The following GREB1 variants were observed in gnomAD, a reference collection of about 807,000 sequenced individuals.
GREB1 encodes growth regulating estrogen receptor binding 1.
Under a neutral mutation model 200.7 loss-of-function variants are expected in GREB1, and 106 were observed. That is an observed-to-expected ratio of 0.53 (90% CI 0.45 to 0.62). The LOEUF (loss-of-function observed/expected upper bound fraction) is 0.62. GREB1 is among the 20% of genes least tolerant of loss of function. The probability of loss-of-function intolerance (pLI) is 0.00; values close to 1 mark genes in which losing one functional copy is unlikely to be tolerated. For synonymous variants in GREB1, 1,132 were observed against 1,092.4 expected (o/e 1.04, Z -0.72); for missense variants, 2,243 against 2,556.8 (o/e 0.88, Z 2.65).
intron 27 of GREB1, 72 bp from the exon 28 acceptor site, chr2:11,632,817 T>A: frequency 7.2e-7 from 1 of 1,381,266 alleles, no homozygotes; most frequent in Non-Finnish European, 1.0e-6. Flanking sequence ...CGACAGCAGG[T>A]CTGCCTGGGG....
chr2:11,536,110 G>C (rs1212494142), intron 1 of GREB1, among the ~76,000 whole-genome samples: 1 of 152,200 alleles, frequency 6.6e-6, no homozygotes, highest in Non-Finnish European at 1.5e-5. Context: ...CGCAAGCCTG[G>C]AGCATACACA....
intron 17 of GREB1, among the ~76,000 whole-genome samples, chr2:11,605,754 C>G (rs1484345624): frequency 6.6e-6 from 1 of 152,108 alleles, no homozygotes; most frequent in Non-Finnish European, 1.5e-5. Context: ...TGAAATTCAT[C>G]CATGTTGTTT....
chr2:11,578,440 G>C lies in GREB1; in HGVS notation c.772+9G>C. On this transcript the variant is annotated intron_variant, in intron 6 of 32. Coordinates refer to ENST00000381486, the MANE Select transcript of GREB1 (RefSeq NM_014668.4). The stretch of plus-strand genomic sequence containing the variant: ...GGGAGCTCAGCAGGCAGGTGAGGTG[G>C]TGGAGACACACCAGAGCTGCTAAAC... 6.2e-7 allele frequency: 1 copy of C among 1,613,406 alleles called. No individual in the cohort carries two copies. The highest frequency in any genetic ancestry group is 1.7e-5 in the Admixed American group (1 of 60,020).
At position 11,576,514 on chromosome 2, in the gene GREB1, T is replaced by C. The variant is rs747264805; in HGVS notation, c.616T>C (p.Leu206=). The C allele has an allele frequency of 2.5e-6, 4 of 1,613,344 alleles. No individual in the cohort carries two copies. The South Asian group carries it at 4.4e-5, about 18-fold the overall frequency. Residue 206 remains leucine, a synonymous_variant, in exon 5 of 33, where the codon TTA becomes CTA. Transcript: ENST00000381486. ...ACAAGGGACTCTAACCAAAGGACCTTTAATCTGTTGGAAAGGCTCAGGTGA... is the reference window on the plus strand; with the variant it reads ...ACAAGGGACTCTAACCAAAGGACCTCTAATCTGTTGGAAAGGCTCAGGTGA... ...NAQGTLTKGP[L]ICWKGSEFRS...
At chr2:11,542,275 T>A (rs937397085) in intron 1 of GREB1, among the ~76,000 whole-genome samples, 1 of 152,214 alleles carries the variant, frequency 6.6e-6, no homozygotes, top group Non-Finnish European at 1.5e-5. Flanking sequence ...CCAGAAGCTG[T>A]CCATGTGTGG....
rs1558668013 is a variant in GREB1, at chr2:11,633,078, G to GAGC, written c.4991+17_4991+19dup. The stretch of plus-strand genomic sequence containing the variant: ...GAGAGAAGCAGGTGAGGTAACCTGA[G>GAGC]AGCACCACCTCCTGCCACCCTACGA... On this transcript the variant is annotated intron_variant, in intron 28 of 32. Coordinates refer to ENST00000381486, the MANE Select transcript of GREB1 (RefSeq NM_014668.4). This position sits in a 1 kb window ranked among gnomAD's most constrained non-coding sequence, Gnocchi z 4.1. The GAGC allele has an allele frequency of 6.2e-7, 1 of 1,612,566 alleles. No individual in the cohort carries two copies. Among genetic ancestry groups the GAGC allele is most frequent in the South Asian group, 1.1e-5 (1 of 90,998 alleles).
chr2:11,516,559 T>C (rs1238027839), intron 1 of GREB1, among the ~76,000 whole-genome samples: 1 of 152,176 alleles, frequency 6.6e-6, no homozygotes, highest in Non-Finnish European at 1.5e-5. Flanking sequence ...GACTCTTCTC[T>C]TCCCCACCCC....
In GREB1 at chr2:11,629,951, T is replaced by C. The variant is rs1189899986; in HGVS notation, c.4453T>C (p.Tyr1485His). The change falls in exon 26 of 33, where the codon TAT becomes CAT. Residue 1485 changes from tyrosine to histidine, a missense_variant. This residue lies in a region of GREB1 where 587 missense variants were observed against 553.1 expected (regional missense o/e 1.06). Coordinates refer to ENST00000381486, the MANE Select transcript of GREB1 (RefSeq NM_014668.4). This position sits in a 1 kb window ranked among gnomAD's most constrained non-coding sequence, Gnocchi z 5.2. Reference sequence around the variant, plus strand: ...TGTCCTTTCCCCCACACCCCAGCTGTATGAGTCCACCCTGCACGCCTTTGC... The same window carrying C: ...TGTCCTTTCCCCCACACCCCAGCTGCATGAGTCCACCCTGCACGCCTTTGC... The part of the protein sequence containing the change: ...YMGFHPRYQL[Y>H]ESTLHAFAFS... 1 of 1,613,944 alleles carries C rather than the reference T, an allele frequency of 6.2e-7. No homozygotes were observed. Among genetic ancestry groups the C allele is most frequent in the African/African-American group, 1.3e-5 (1 of 75,016 alleles).
At chr2:11,544,477 A>G (rs1175130360) in intron 1 of GREB1, among the ~76,000 whole-genome samples, 1 of 152,032 alleles carries the variant, frequency 6.6e-6, no homozygotes. Context: ...CGGCCTCCCA[A>G]AGTGCTGGGA....
chr2:11,485,646 C>A (rs1672640327), intron 1 of GREB1, among the ~76,000 whole-genome samples: 1 of 152,122 alleles, frequency 6.6e-6, no homozygotes, highest in Non-Finnish European at 1.5e-5. Context: ...CTCAAACAGC[C>A]TTTCTGAAAG....
upstream of GREB1, among the ~76,000 whole-genome samples, chr2:11,529,187 A>T (rs942848281): frequency 2.6e-5 from 4 of 152,212 alleles, no homozygotes; most frequent in African/African-American, 9.6e-5. Flanking sequence ...GTAAAGCAGT[A>T]AAAAGACACA....
chr2:11,511,269 C>T (rs1475941322), intron 1 of GREB1, among the ~76,000 whole-genome samples: 2 of 152,158 alleles, frequency 1.3e-5, no homozygotes, highest in African/African-American at 2.4e-5. Context: ...TTTTCGGGTG[C>T]TACACAATCA....
chr2:11,588,493 A>G, intron 9 of GREB1: 1 of 529,826 alleles, frequency 1.9e-6, no homozygotes. Context: ...CTTGTAAAAA[A>G]TAAGAGGATT....
At chr2:11,581,042 C>T (rs186770737) in intron 7 of GREB1, 52 of 698,956 alleles carry the variant, frequency 7.4e-5, no homozygotes, top group Admixed American at 2.7e-4. Context: ...TGGGAGTTAC[C>T]GTATGTGCCA....
At chr2:11,575,904 T>C (rs1274016415) in intron 4 of GREB1, among the ~76,000 whole-genome samples, 2 of 152,220 alleles carry the variant, frequency 1.3e-5, no homozygotes, top group Admixed American at 1.3e-4. Flanking sequence ...AAGTGGGCCC[T>C]CAAGCACGTT....
rs773539944 is a variant in GREB1, at chr2:11,633,098, C to T, written c.4991+35C>T. 6.2e-7 allele frequency: 1 copy of T among 1,604,920 alleles called. No homozygotes were observed. Among genetic ancestry groups the T allele is most frequent in the African/African-American group, 1.3e-5 (1 of 74,852 alleles). On this transcript the variant is annotated intron_variant, in intron 28 of 32. Transcript: ENST00000381486. The surrounding 1 kb of genome is among the most constrained non-coding windows in gnomAD (Gnocchi z 4.1). ...CCTGAGAGCACCACCTCCTGCCACCCTACGAATGATGACCAACGAGTGTGC... is the reference window on the plus strand; with the variant it reads ...CCTGAGAGCACCACCTCCTGCCACCTTACGAATGATGACCAACGAGTGTGC...
chr2:11,634,443 G>A (rs1414207004), intron 29 of GREB1, 94 bp downstream of exon 29: 1 of 909,662 alleles, frequency 1.1e-6, no homozygotes, highest in South Asian at 1.5e-5. Context: ...CGTCCTGGCT[G>A]TGAGCACTGA....
intron 9 of GREB1, 33 bp downstream of exon 9, chr2:11,585,938 G>A: frequency 1.3e-6 from 2 of 1,578,790 alleles, no homozygotes; most frequent in South Asian, 1.1e-5. Flanking sequence ...TCGTGGGGAT[G>A]GGAGAACCTA....
At chr2:11,623,768 G>A (rs1004182086) in intron 23 of GREB1, among the ~76,000 whole-genome samples, 1 of 152,110 alleles carries the variant, frequency 6.6e-6, no homozygotes, top group African/African-American at 2.4e-5. Context: ...GCACGCGCCT[G>A]TAATTTCAGC....
Sources: gnomAD v4.1 joint callset for allele counts (sites outside exome capture counted in the v4.1 genomes callset) on GRCh38, gnomAD v4.1.1 for gene constraint, gnomAD v4.1.1 regional missense constraint, Gnocchi (gnomAD v3.1) non-coding constraint, MANE v1.5 for transcripts, NCBI Gene and HGNC (gene_info 2026-07-23, HGNC 2026-07-21) for gene names.